Variants in CYP7B1 observed in about 807,000 individuals in gnomAD.
CYP7B1 encodes cytochrome P450 7B1.
CYP7B1 carries 29 observed loss-of-function variants against 42.7 expected under a neutral mutation model. That is an observed-to-expected ratio of 0.68 (90% confidence interval 0.51 to 0.93). The LOEUF is 0.93. CYP7B1 is among the 40% of genes least tolerant of loss of function. The pLI is 0.00. For missense variants in CYP7B1, 655 were observed against 600.5 expected (o/e 1.09, Z -0.95); for synonymous variants, 235 against 218.2 (o/e 1.08, Z -0.68).
chr8:64,603,219 G>C (rs979554395), intron 5 of CYP7B1, among the ~76,000 whole-genome samples: 1 of 152,030 alleles, frequency 6.6e-6, no homozygotes, highest in African/African-American at 2.4e-5. Flanking sequence ...TTGCTATTGA[G>C]TATTCCAAAA....
At chr8:64,796,368 A>G (rs139700601) in intron 1 of CYP7B1, among the ~76,000 whole-genome samples, 4 of 152,348 alleles carry the variant, frequency 2.6e-5, no homozygotes, top group Middle Eastern at 3.4e-3. Flanking sequence ...ATTTTCTTTA[A>G]AAGTATACAA....
chr8:64,665,909 C>A (rs1006164370), intron 1 of CYP7B1, among the ~76,000 whole-genome samples: 1 of 152,058 alleles, frequency 6.6e-6, no homozygotes, highest in African/African-American at 2.4e-5. Context: ...CAACTTTTTA[C>A]GACTGGCAAC....
chr8:64,633,276 T>C (rs1368893852), intron 1 of CYP7B1, among the ~76,000 whole-genome samples: 1 of 152,172 alleles, frequency 6.6e-6, no homozygotes, highest in African/African-American at 2.4e-5. Context: ...GGATTAGTTT[T>C]TCCCTGCTAT....
At chr8:64,644,917 C>G (rs182741143) in intron 1 of CYP7B1, among the ~76,000 whole-genome samples, 1 of 146,468 alleles carries the variant, frequency 6.8e-6, no homozygotes, top group South Asian at 2.3e-4. Flanking sequence ...CCCCTCCCCC[C>G]ATCCCACAAC....
At chr8:64,686,242 C>T (rs1806640879) in intron 1 of CYP7B1, among the ~76,000 whole-genome samples, 1 of 59,206 alleles carries the variant, frequency 1.7e-5, no homozygotes, top group African/African-American at 6.2e-5. Context: ...GGGGTCGGCC[C>T]CCCGCCCGGC....
intron 1 of CYP7B1, among the ~76,000 whole-genome samples, chr8:64,702,018 A>C (rs148448264): frequency 1.8e-4 from 28 of 152,202 alleles, no homozygotes; most frequent in African/African-American, 6.7e-4. Context: ...TAAAAAATGC[A>C]CCATGCAATG....
intron 1 of CYP7B1, among the ~76,000 whole-genome samples, chr8:64,689,954 T>C (rs971797652): frequency 1.3e-5 from 2 of 152,240 alleles, no homozygotes; most frequent in Non-Finnish European, 2.9e-5. Context: ...AAATATGTGT[T>C]CTCCTTTTAA....
intron 1 of CYP7B1, among the ~76,000 whole-genome samples, chr8:64,796,507 T>G (rs1804704051): frequency 6.6e-6 from 1 of 152,230 alleles, no homozygotes; most frequent in African/African-American, 2.4e-5. Flanking sequence ...AATTGGCACT[T>G]GCACTACATT....
chr8:64,753,899 T>C (rs1807768292), intron 1 of CYP7B1, among the ~76,000 whole-genome samples: 1 of 152,180 alleles, frequency 6.6e-6, no homozygotes, highest in African/African-American at 2.4e-5. Context: ...CAGCTCACCA[T>C]GTCCATGCAA....
intron 1 of CYP7B1, among the ~76,000 whole-genome samples, chr8:64,676,548 A>T (rs905658830): frequency 6.6e-6 from 1 of 152,108 alleles, no homozygotes; most frequent in Non-Finnish European, 1.5e-5. Flanking sequence ...GGACAGTGAC[A>T]TTGGGTCTGG....
chr8:64,621,412 G>A (rs1369116718), intron 2 of CYP7B1, among the ~76,000 whole-genome samples: 1 of 152,238 alleles, frequency 6.6e-6, no homozygotes, highest in Non-Finnish European at 1.5e-5. Flanking sequence ...AAAGGCTCTT[G>A]AGAGGAAGCA....
intron 1 of CYP7B1, among the ~76,000 whole-genome samples, chr8:64,626,429 A>C (rs561397168): frequency 6.6e-6 from 1 of 152,304 alleles, no homozygotes; most frequent in South Asian, 2.1e-4. Context: ...ATCAGAAGAG[A>C]AATAATAATC....
chr8:64,744,460 A>C (rs188812638), intron 1 of CYP7B1, among the ~76,000 whole-genome samples: 2 of 152,260 alleles, frequency 1.3e-5, no homozygotes, highest in East Asian at 3.9e-4. Context: ...TCCCAGTAAC[A>C]CCAAGACAAT....
intron 1 of CYP7B1, among the ~76,000 whole-genome samples, chr8:64,715,284 G>A (rs183107567): frequency 6.6e-5 from 10 of 152,224 alleles, no homozygotes; most frequent in Admixed American, 2.0e-4. Context: ...ACTGTAAAAA[G>A]AATAACTAAT....
chr8:64,699,220 G>T (rs1367719056), intron 1 of CYP7B1, among the ~76,000 whole-genome samples: 1 of 152,078 alleles, frequency 6.6e-6, no homozygotes, highest in Non-Finnish European at 1.5e-5. Context: ...GACAGATCAG[G>T]ATGTCTGAGT....
chr8:64,788,252 T>C (rs1379554317), intron 1 of CYP7B1, among the ~76,000 whole-genome samples: 1 of 152,126 alleles, frequency 6.6e-6, no homozygotes, highest in Non-Finnish European at 1.5e-5. Context: ...GTGTTAATAG[T>C]AAGGGAATTG....
At chr8:64,645,213 A>G (rs1256205704) in intron 1 of CYP7B1, among the ~76,000 whole-genome samples, 2 of 150,968 alleles carry the variant, frequency 1.3e-5, no homozygotes, top group Admixed American at 6.6e-5. Context: ...TAGTGCCACA[A>G]TAAACATACA....
chr8:64,665,577 T>G (rs1351169296), intron 1 of CYP7B1, among the ~76,000 whole-genome samples: 1 of 119,128 alleles, frequency 8.4e-6, no homozygotes, highest in African/African-American at 3.2e-5. Flanking sequence ...TTTTTTTTTT[T>G]TTTTTTTTTT....
At chr8:64,689,432 C>T (rs1201140701) in intron 1 of CYP7B1, among the ~76,000 whole-genome samples, 1 of 152,176 alleles carries the variant, frequency 6.6e-6, no homozygotes, top group East Asian at 1.9e-4. Flanking sequence ...ATGAAAATCA[C>T]GAATCAAAGC....
Sources: allele counts gnomAD v4.1 joint callset (sites outside exome capture counted in the v4.1 genomes callset), GRCh38; gene constraint gnomAD v4.1.1; transcripts MANE v1.5; gene names NCBI Gene and HGNC (gene_info 2026-07-23, HGNC 2026-07-21).